Variants in C12orf43 observed in about 807,000 individuals in gnomAD.
The protein encoded by C12orf43 is chromosome 12 open reading frame 43.
A neutral mutation model predicts 20.6 loss-of-function variants in C12orf43; 15 were observed. The observed-to-expected ratio is 0.73, with a 90% CI of 0.49 to 1.12. The LOEUF (loss-of-function observed/expected upper bound fraction) is 1.12. Among genes scored for constraint, C12orf43 ranks in the 50% most tolerant of loss-of-function variants. The probability of loss-of-function intolerance (pLI) is 0.00; values close to 1 mark genes in which losing one functional copy is unlikely to be tolerated. For synonymous variants in C12orf43, 144 were observed against 130.8 expected (o/e 1.10, Z -0.69); for missense variants, 334 against 344.4 (o/e 0.97, Z 0.24).
chr12:121,011,712 C>T (rs1878483105), intron 1 of C12orf43, among the ~76,000 whole-genome samples: 1 of 152,054 alleles, frequency 6.6e-6, no homozygotes, highest in Non-Finnish European at 1.5e-5. Context: ...CTCTTAACCA[C>T]CACGCTGTGC....
In C12orf43 at chr12:121,000,878, C is replaced by T. The variant is rs939202215; in HGVS notation, c.*3275G>A. The T allele has an allele frequency of 1.6e-4, 116 of 743,888 alleles. No homozygotes were observed. The highest frequency in any genetic ancestry group is 1.5e-3 in the Middle Eastern group (4 of 2,706). 46.1% of individuals were successfully genotyped at this position (743,888 alleles called of 1,614,324 possible). A position where few individuals can be genotyped will look rare whatever the true frequency, so the allele number is the denominator to read the frequency against. On this transcript the variant is annotated 3_prime_UTR_variant, in exon 6 of 6. Transcript: ENST00000288757. ...GTACTCAGGCCACTCCATGGGCGGC[C>T]GTGGACCCTGGCTGGGAGGCTCCCT... is the stretch of plus-strand genomic sequence containing the variant.
chr12:121,001,758 T>C lies in C12orf43; in HGVS notation c.*2395A>G. 1 of 534,854 alleles carries C rather than the reference T, an allele frequency of 1.9e-6. No individual in the cohort carries two copies. The highest frequency in any genetic ancestry group is 3.6e-6 in the Non-Finnish European group (1 of 275,756). The allele number at this position is 534,854 out of a possible 1,614,324, so 33.1% of individuals were successfully genotyped here. A position where few individuals can be genotyped will look rare whatever the true frequency, so the allele number is the denominator to read the frequency against. ...ATCACCTACTCACACAGGCATTTCC[T>C]GGGTGGCTACTCTGTGCCAGAGCCT... On this transcript the variant is annotated 3_prime_UTR_variant, in exon 6 of 6. Transcript: ENST00000288757.
rs543303599 is a variant in C12orf43, at chr12:121,012,626, G to A, written c.146-1480C>T. ...CCAGCACTTTGGGAGGCTGAGGCAG[G>A]CGGATCACGAGGTCAAGAGATCGAG... On this transcript the variant is annotated intron_variant, in intron 1 of 5. Coordinates refer to ENST00000288757, the MANE Select transcript of C12orf43 (RefSeq NM_022895.3). 834 of 574,466 alleles carry A rather than the reference G, an allele frequency of 1.5e-3. 2 individuals are homozygous for A. The highest frequency in any genetic ancestry group is 2.4e-3 in the Non-Finnish European group (746 of 311,266). The allele number at this position is 574,466 out of a possible 1,614,324, so 35.6% of individuals were successfully genotyped here. A position where few individuals can be genotyped will look rare whatever the true frequency, so the allele number is the denominator to read the frequency against.
rs41279096 is a variant in C12orf43, at chr12:121,002,460, G to A, written c.*1693C>T. On this transcript the variant is annotated 3_prime_UTR_variant, in exon 6 of 6. Coordinates refer to ENST00000288757, the MANE Select transcript of C12orf43 (RefSeq NM_022895.3). Reference sequence around the variant, plus strand: ...CCTGCAGCTTGTAGCCAGCCGGGGCGAGTGGCACGTTTATTTAACTTTTAG... The same window carrying A: ...CCTGCAGCTTGTAGCCAGCCGGGGCAAGTGGCACGTTTATTTAACTTTTAG... 60,475 of 527,290 alleles carry A rather than the reference G, an allele frequency of 0.11. 4,972 individuals carry two copies. Among genetic ancestry groups the A allele is most frequent in the Admixed American group, 0.31 (13,776 of 44,562 alleles). The allele number at this position is 527,290 out of a possible 1,614,324, so 32.7% of individuals were successfully genotyped here.
In C12orf43 at chr12:121,003,854, A is replaced by T. The variant is rs770249994; in HGVS notation, c.*299T>A. ...CACCACTTGGCCACTAGTCTCAAAT[A>T]ACTGGAAGGTTCCTTTTTTCCTGAG... is the stretch of plus-strand genomic sequence containing the variant. On this transcript the variant is annotated 3_prime_UTR_variant, in exon 6 of 6. Transcript: ENST00000288757. The T allele has an allele frequency of 1.7e-5, 8 of 457,500 alleles. No homozygotes were observed. In the Middle Eastern group the frequency reaches 2.1e-3, roughly 123 times the overall value. The allele number at this position is 457,500 out of a possible 1,614,324, so 28.3% of individuals were successfully genotyped here.
Position 121,010,908 on chromosome 12 carries a change from A to G in C12orf43, c.207T>C (p.His69=), listed in dbSNP as rs1369112077. 4 of 1,614,124 alleles carry G rather than the reference A, an allele frequency of 2.5e-6. No individual in the cohort carries two copies. Among genetic ancestry groups the G allele is most frequent in the South Asian group, 1.1e-5 (1 of 91,080 alleles). Residue 69 remains histidine, a synonymous_variant, in exon 3 of 6, where the codon CAT becomes CAC. Transcript: ENST00000288757. ...QPSLRHKVNE[H]EQDGNELQTT... ...TCTGAAGCTCGTTGCCATCTTGTTC[A>G]TGCTCATTCACCTTATGCCTACGAC...
chr12:121,006,578 C>T, intron 3 of C12orf43, 184 bp from the exon 4 acceptor site: 1 of 588,934 alleles, frequency 1.7e-6, no homozygotes, highest in African/African-American at 1.9e-5. Flanking sequence ...ACGCGAACTG[C>T]AGTGCTTCAT....
intron 1 of C12orf43, chr12:121,012,811 C>A: frequency 5.6e-6 from 1 of 179,052 alleles, no homozygotes; most frequent in African/African-American, 2.6e-5. Flanking sequence ...AAGATCACGC[C>A]ACTGCACTCC....
Position 121,004,517 on chromosome 12 carries a change from T to G in C12orf43, c.453-28A>C, listed in dbSNP as rs781383552. On this transcript the variant is annotated intron_variant, in intron 5 of 5. Transcript: ENST00000288757. The surrounding 1 kb of genome is among the most constrained non-coding windows in gnomAD (Gnocchi z 5.6). Reference sequence around the variant, plus strand: ...GCTGCAACGAGAGGGTACCCTGGGTTAGCTGGAGTCAGGACACAGCCCCAG... The same window carrying G: ...GCTGCAACGAGAGGGTACCCTGGGTGAGCTGGAGTCAGGACACAGCCCCAG... The G allele has an allele frequency of 3.2e-6, 5 of 1,561,378 alleles. No homozygotes were observed. In the South Asian group the frequency reaches 6.0e-5, roughly 19 times the overall value.
At chr12:121,006,688 A>C in intron 3 of C12orf43, 1 of 322,584 alleles carries the variant, frequency 3.1e-6, no homozygotes, top group Non-Finnish European at 5.9e-6. Context: ...CTGTAATCCT[A>C]GCACTTTGGG....
Position 121,001,538 on chromosome 12 carries a change from G to A in C12orf43, c.*2615C>T. On this transcript the variant is annotated 3_prime_UTR_variant, in exon 6 of 6. Transcript: ENST00000288757. ...TGGGCACCCCCAGCCTGGGCCTATG[G>A]AGAGCCCTGGGACCGCTACACCACT... is the stretch of plus-strand genomic sequence containing the variant. 1 of 447,844 alleles carries A rather than the reference G, an allele frequency of 2.2e-6. No individual in the cohort carries two copies. Among genetic ancestry groups the A allele is most frequent in the East Asian group, 4.0e-5 (1 of 25,244 alleles). The allele number at this position is 447,844 out of a possible 1,614,324, so 27.7% of individuals were successfully genotyped here. A position where few individuals can be genotyped will look rare whatever the true frequency, so the allele number is the denominator to read the frequency against.
intron 1 of C12orf43, among the ~76,000 whole-genome samples, chr12:121,015,464 A>G (rs1439236771): frequency 6.6e-6 from 1 of 152,244 alleles, no homozygotes; most frequent in Non-Finnish European, 1.5e-5. Context: ...AATGTTTTAA[A>G]TGCATGAAAT....
In C12orf43 at chr12:121,002,618, C is replaced by A. The variant is rs941605122; in HGVS notation, c.*1535G>T. The A allele has an allele frequency of 1.1e-5, 4 of 374,338 alleles. No homozygotes were observed. Among genetic ancestry groups the A allele is most frequent in the Non-Finnish European group, 2.1e-5 (4 of 192,264 alleles). 23.2% of individuals were successfully genotyped at this position (374,338 alleles called of 1,614,324 possible). On this transcript the variant is annotated 3_prime_UTR_variant, in exon 6 of 6. Coordinates refer to ENST00000288757, the MANE Select transcript of C12orf43 (RefSeq NM_022895.3). ...GGAGACAGGCTCCAGCACCCACGCT[C>A]TCACACCCCACATCTCTGCTTTTCT... is the stretch of plus-strand genomic sequence containing the variant.
chr12:121,006,437 A>G (rs374983867), intron 3 of C12orf43, 43 bp from the exon 4 acceptor site: 25 of 1,586,174 alleles, frequency 1.6e-5, no homozygotes, highest in Non-Finnish European at 1.8e-5. Flanking sequence ...AGATTTTTGG[A>G]TAACGACAAA....
chr12:121,012,077 G>A (rs1868419896), intron 1 of C12orf43, among the ~76,000 whole-genome samples: 1 of 152,182 alleles, frequency 6.6e-6, no homozygotes, highest in African/African-American at 2.4e-5. Context: ...GGTGGGGAGT[G>A]TTGGGCTGGG....
In C12orf43 at chr12:121,002,582, G is replaced by T. The variant is rs1877586522; in HGVS notation, c.*1571C>A. 1 of 435,004 alleles carries T rather than the reference G, an allele frequency of 2.3e-6. No individual in the cohort carries two copies. Among genetic ancestry groups the T allele is most frequent in the South Asian group, 1.8e-5 (1 of 56,886 alleles). 26.9% of individuals were successfully genotyped at this position (435,004 alleles called of 1,614,324 possible). On this transcript the variant is annotated 3_prime_UTR_variant, in exon 6 of 6. Transcript: ENST00000288757. The stretch of plus-strand genomic sequence containing the variant: ...AGCGGGAGGCTGGGGCAGGCCAGAG[G>T]CCTGCGAAGAGGAGACAGGCTCCAG...
At chr12:121,007,892 C>A (rs923006141) in intron 3 of C12orf43, among the ~76,000 whole-genome samples, 1 of 152,044 alleles carries the variant, frequency 6.6e-6, no homozygotes, top group South Asian at 2.1e-4. Context: ...CTTGACCCCA[C>A]ACAGTGGTTC....
chr12:121,016,376 A>T lies in C12orf43; in HGVS notation c.99T>A (p.Ala33=), dbSNP rs747058870. The T allele has an allele frequency of 6.8e-6, 11 of 1,613,818 alleles. No individual in the cohort carries two copies. The highest frequency in any genetic ancestry group is 9.3e-6 in the Non-Finnish European group (11 of 1,180,052). The change falls in exon 1 of 6, where the codon GCT becomes GCA. Residue 33 remains alanine (A), a synonymous_variant. Coordinates refer to ENST00000288757, the MANE Select transcript of C12orf43 (RefSeq NM_022895.3). ...LERCREAAMP[A]WGLEQRPHVA... ...CGTGCGGGCGTTGCTCCAAGCCCCA[A>T]GCCGGCATTGCCGCCTCGCGGCACC...
rs1877466964 is a variant in C12orf43 at position 121,001,327 on chromosome 12, C to G, written c.*2826G>C. The G allele has an allele frequency of 9.1e-7, 1 of 1,098,234 alleles. No individual in the cohort carries two copies. Among genetic ancestry groups the G allele is most frequent in the East Asian group, 2.6e-5 (1 of 38,840 alleles). The allele number at this position is 1,098,234 out of a possible 1,614,324, so 68.0% of individuals were successfully genotyped here. A position where few individuals can be genotyped will look rare whatever the true frequency, so the allele number is the denominator to read the frequency against. Reference sequence around the variant, plus strand: ...GGACAGCTGTGCCTCGCTCCCCACTCTGCTCTGATGCATCAGAAAGGGAGG... The same window carrying G: ...GGACAGCTGTGCCTCGCTCCCCACTGTGCTCTGATGCATCAGAAAGGGAGG... On this transcript the variant is annotated 3_prime_UTR_variant, in exon 6 of 6. Transcript: ENST00000288757.
Sources: allele counts gnomAD v4.1 joint callset (sites outside exome capture counted in the v4.1 genomes callset), GRCh38; gene constraint gnomAD v4.1.1; non-coding constraint Gnocchi (gnomAD v3.1); transcripts MANE v1.5; gene names NCBI Gene and HGNC (gene_info 2026-07-23, HGNC 2026-07-21).